The following TMIGD1 variants were observed in gnomAD, a reference collection of about 807,000 sequenced individuals.
The protein encoded by TMIGD1 is transmembrane and immunoglobulin domain-containing protein 1.
Under a neutral mutation model 27.5 loss-of-function variants are expected in TMIGD1, and 29 were observed. The observed-to-expected ratio is 1.05, with a 90% CI of 0.78 to 1.44. The LOEUF (loss-of-function observed/expected upper bound fraction) is 1.44, where lower values mean the gene tolerates loss of function less well. TMIGD1 is among the 40% of genes most tolerant of loss of function. The probability of loss-of-function intolerance (pLI) is 0.00; values close to 1 mark genes in which losing one functional copy is unlikely to be tolerated. For synonymous variants in TMIGD1, 109 were observed against 110.3 expected (o/e 0.99, Z 0.07); for missense variants, 334 against 310.6 (o/e 1.08, Z -0.57).
chr17:30,332,353 T>A (rs555241220), intron 1 of TMIGD1, among the ~76,000 whole-genome samples, 195 bp from the exon 2 acceptor site: 21 of 152,310 alleles, frequency 1.4e-4, no homozygotes, highest in Admixed American at 3.9e-4. Flanking sequence ...AAATTTTTTT[T>A]AAAAGCAACA....
intron 5 of TMIGD1, among the ~76,000 whole-genome samples, chr17:30,318,251 CT>C (rs1190404517): frequency 4.6e-5 from 7 of 152,154 alleles, no homozygotes; most frequent in African/African-American, 1.7e-4. Flanking sequence ...CAGCCTAGGG[CT>C]TTCTGCCTTT....
chr17:30,316,796 A>G, intron 6 of TMIGD1, 106 bp from the exon 7 acceptor site: 2 of 1,018,020 alleles, frequency 2.0e-6, no homozygotes, highest in African/African-American at 1.6e-5. Context: ...CTTATTACCT[A>G]CTACCCACTT....
chr17:30,324,837 C>T lies in TMIGD1; in HGVS notation c.619G>A (p.Asp207Asn). 7 of 1,614,038 alleles carry T rather than the reference C, an allele frequency of 4.3e-6. No individual in the cohort carries two copies. The highest frequency in any genetic ancestry group is 5.9e-6 in the Non-Finnish European group (7 of 1,179,946). ...AKSSLKTESL[D>N]FHLIVKDKTV... ...TTACCTTTAACAATCAGGTGAAAGTCCAAGCTCTCCGTTTTCAGAGATGAC... is the reference window on the plus strand; with the variant it reads ...TTACCTTTAACAATCAGGTGAAAGTTCAAGCTCTCCGTTTTCAGAGATGAC... The change falls in exon 4 of 7, where the codon GAC (aspartate) becomes AAC (asparagine). Residue 207 changes from aspartate to asparagine, a missense_variant. Asp to Asn is a conservative substitution (Grantham distance 23, BLOSUM62 1). Coordinates refer to ENST00000328886, the MANE Select transcript of TMIGD1 (RefSeq NM_206832.3).
In TMIGD1 at chr17:30,329,263, G is replaced by A; in HGVS notation, c.349C>T (p.Leu117=). 6.2e-7 allele frequency: 1 copy of A among 1,613,378 alleles called. No individual in the cohort carries two copies. Among genetic ancestry groups the A allele is most frequent in the Non-Finnish European group, 8.5e-7 (1 of 1,179,508 alleles). ...RDQSVSVSVV[L]NVTFPPLLSG... ...TCCCCTCACTCACAAGTAACATTCAGCACCACCGAAACGGACACGGACTGA... is the reference window on the plus strand; with the variant it reads ...TCCCCTCACTCACAAGTAACATTCAACACCACCGAAACGGACACGGACTGA... Residue 117 remains leucine, a synonymous_variant, in exon 3 of 7, where the codon CTG becomes TTG. Transcript: ENST00000328886.
intron 4 of TMIGD1, among the ~76,000 whole-genome samples, chr17:30,322,098 G>A (rs886573369): frequency 5.3e-5 from 8 of 152,060 alleles, no homozygotes; most frequent in Non-Finnish European, 1.0e-4. Context: ...AAAGTCCTGG[G>A]ATTACAAGCA....
At chr17:30,326,892 C>T (rs948657998) in intron 3 of TMIGD1, among the ~76,000 whole-genome samples, 9 of 152,164 alleles carry the variant, frequency 5.9e-5, no homozygotes, top group Admixed American at 3.9e-4. Flanking sequence ...TATCAAGCTT[C>T]CATTTAGTTC....
chr17:30,327,978 T>C (rs974968440), intron 3 of TMIGD1, among the ~76,000 whole-genome samples: 1 of 152,082 alleles, frequency 6.6e-6, no homozygotes, highest in Admixed American at 6.6e-5. Flanking sequence ...AACCCAATCA[T>C]TGAAAAGCTT....
At chr17:30,332,624 GA>G (rs1910016858) in intron 1 of TMIGD1, among the ~76,000 whole-genome samples, 1 of 152,078 alleles carries the variant, frequency 6.6e-6, no homozygotes, top group South Asian at 2.1e-4. Context: ...TGTGTACGTA[GA>G]AAAGCCTCAA....
rs778515910 is a variant in TMIGD1, at chr17:30,316,679, C to T, written c.*8G>A. The T allele has an allele frequency of 1.9e-6, 3 of 1,613,436 alleles. No homozygotes were observed. The highest frequency in any genetic ancestry group is 2.5e-6 in the Non-Finnish European group (3 of 1,179,756). On this transcript the variant is annotated 3_prime_UTR_variant, in exon 7 of 7. Coordinates refer to ENST00000328886, the MANE Select transcript of TMIGD1 (RefSeq NM_206832.3). ...ACTCTCTCTGTATTCGATGGCATCT[C>T]AGCTTTCTCATCTGAAATGAATGAA...
At chr17:30,325,898 G>C (rs1398785692) in intron 3 of TMIGD1, among the ~76,000 whole-genome samples, 2 of 147,582 alleles carry the variant, frequency 1.4e-5, no homozygotes, top group Non-Finnish European at 3.0e-5. Context: ...TCTACAATAA[G>C]GGCAGTTGTA....
At chr17:30,331,913 A>ACTC in intron 2 of TMIGD1, 139 bp downstream of exon 2, 1 of 581,974 alleles carries the variant, frequency 1.7e-6, no homozygotes, top group Non-Finnish European at 3.1e-6. Context: ...TTGTTAGTTG[A>ACTC]CTCCTGTACT....
chr17:30,326,436 A>G (rs947514119), intron 3 of TMIGD1, among the ~76,000 whole-genome samples: 7 of 152,106 alleles, frequency 4.6e-5, no homozygotes, highest in African/African-American at 1.4e-4. Flanking sequence ...TTTCTTAAAT[A>G]GTTTTCTATA....
At chr17:30,320,960 C>T (rs561291672) in intron 4 of TMIGD1, among the ~76,000 whole-genome samples, 104 of 152,190 alleles carry the variant, frequency 6.8e-4, no homozygotes, top group African/African-American at 2.4e-3. Context: ...TGGGTTCAAG[C>T]GATTCTCCTG....
intron 3 of TMIGD1, among the ~76,000 whole-genome samples, chr17:30,326,218 G>A (rs1909769385): frequency 6.6e-6 from 1 of 152,120 alleles, no homozygotes; most frequent in African/African-American, 2.4e-5. Context: ...TTGCCAAATG[G>A]AACAATTCCA....
intron 2 of TMIGD1, among the ~76,000 whole-genome samples, chr17:30,330,863 T>C (rs572251927): frequency 1.3e-5 from 2 of 152,362 alleles, no homozygotes; most frequent in Non-Finnish European, 1.5e-5. Context: ...ATAACATTTG[T>C]TAATATGTTC....
chr17:30,323,014 AT>A (rs1397032894), intron 4 of TMIGD1, among the ~76,000 whole-genome samples: 1 of 151,982 alleles, frequency 6.6e-6, no homozygotes, highest in Admixed American at 6.6e-5. Context: ...TACAAAAACA[AT>A]TTTTTTGATT....
intron 4 of TMIGD1, 28 bp downstream of exon 4, chr17:30,324,788 G>T (rs1295457514): frequency 4.3e-6 from 7 of 1,610,068 alleles, no homozygotes; most frequent in Non-Finnish European, 5.1e-6. Flanking sequence ...TTTGCACTGT[G>T]CTGGGTATTA....
rs145070447 is a variant in TMIGD1 at position 30,332,354 on chromosome 17, A to T, written c.-25-196T>A. On this transcript the variant is annotated intron_variant, in intron 1 of 6. Transcript: ENST00000328886. The stretch of plus-strand genomic sequence containing the variant: ...CATTTAGTAGTAAGAAATTTTTTTT[A>T]AAAGCAACATAAAACCACAGGAAAT... Among the ~76,000 whole-genome samples, 1,000 of 152,270 alleles carry T rather than the reference A, an allele frequency of 6.6e-3. 7 individuals carry two copies. Among genetic ancestry groups the T allele is most frequent in the African/African-American group, 0.013 (523 of 41,560 alleles).
intron 4 of TMIGD1, among the ~76,000 whole-genome samples, 192 bp from the exon 5 acceptor site, chr17:30,319,105 T>C (rs897426734): frequency 7.3e-5 from 11 of 151,236 alleles, no homozygotes; most frequent in African/African-American, 2.7e-4. Flanking sequence ...GAGTGCTTGT[T>C]CAAAGTCATA....
Sources: gnomAD v4.1 joint callset for allele counts (sites outside exome capture counted in the v4.1 genomes callset) on GRCh38, gnomAD v4.1.1 for gene constraint, MANE v1.5 for transcripts, NCBI Gene and HGNC (gene_info 2026-07-23, HGNC 2026-07-21) for gene names.